The following MEGF8 variants were observed in gnomAD, a reference collection of about 807,000 sequenced individuals.
The protein encoded by MEGF8 is multiple EGF like domains 8.
Under a neutral mutation model 302.9 loss-of-function variants are expected in MEGF8, and 156 were observed. The observed-to-expected ratio is 0.52, with a 90% CI of 0.45 to 0.59. The LOEUF is 0.59. Among genes scored for constraint, MEGF8 ranks in the 20% least tolerant of loss-of-function variants. The pLI, the probability that MEGF8 is intolerant of heterozygous loss-of-function variation, is 0.00. For missense variants in MEGF8, 3,345 were observed against 3,964.5 expected (o/e 0.84, Z 4.20); for synonymous variants, 1,621 against 1,660.5 (o/e 0.98, Z 0.58).
At chr19:42,371,787 G>GA (rs2039694558) in intron 41 of MEGF8, among the ~76,000 whole-genome samples, 1 of 152,026 alleles carries the variant, frequency 6.6e-6, no homozygotes, top group Non-Finnish European at 1.5e-5. Flanking sequence ...TAGCTCAACC[G>GA]AAAAAAGAAA....
intron 9 of MEGF8, 150 bp from the exon 10 acceptor site, chr19:42,343,804 G>A: frequency 7.4e-7 from 1 of 1,358,824 alleles, no homozygotes; most frequent in Non-Finnish European, 9.8e-7. Context: ...AGAGGTCCCT[G>A]GGCCTGGGGG....
chr19:42,372,016 C>T (rs753111946), intron 41 of MEGF8, among the ~76,000 whole-genome samples: 1 of 148,308 alleles, frequency 6.7e-6, no homozygotes, highest in Non-Finnish European at 1.5e-5. Flanking sequence ...CCCAGGAGGT[C>T]GAGGCTGCAG....
chr19:42,368,598 T>C lies in MEGF8; in HGVS notation c.6417T>C (p.Cys2139=), dbSNP rs1319614457. 4.4e-6 allele frequency: 7 copies of C among 1,574,430 alleles called. No individual in the cohort carries two copies. Among genetic ancestry groups the C allele is most frequent in the Admixed American group, 3.7e-5 (2 of 53,680 alleles). Residue 2139 remains cysteine (C), a synonymous_variant, in exon 36 of 42, where the codon TGT becomes TGC. Coordinates refer to ENST00000251268, the MANE Select transcript of MEGF8 (RefSeq NM_001271938.2). The surrounding 1 kb of genome is among the most constrained non-coding windows in gnomAD (Gnocchi z 4.9). ...LCLRRPHCGW[C]AWGGQDGGGR... ...TGCGGCGCCCCCATTGCGGCTGGTG[T>C]GCCTGGGGGGGCCAGGATGGGGGTG...
In MEGF8 at chr19:42,354,054, G is replaced by A. The variant is rs769468356; in HGVS notation, c.4011+30G>A. ...GCACTGAGGAAACGAGGGTTCAGGC[G>A]CATGAGCCAGAACCGTGTCCCCTGA... On this transcript the variant is annotated intron_variant, in intron 22 of 41. Coordinates refer to ENST00000251268, the MANE Select transcript of MEGF8 (RefSeq NM_001271938.2). The surrounding 1 kb of genome is among the most constrained non-coding windows in gnomAD (Gnocchi z 4.3). 5.9e-5 allele frequency: 92 copies of A among 1,572,296 alleles called. No individual in the cohort carries two copies. The Middle Eastern group carries it at 6.8e-4, about 12-fold the overall frequency.
In MEGF8 at chr19:42,375,931, G is replaced by C; in HGVS notation, c.7694G>C (p.Arg2565Pro). 1.2e-6 allele frequency: 2 copies of C among 1,600,546 alleles called. No homozygotes were observed. Among genetic ancestry groups the C allele is most frequent in the Middle Eastern group, 1.7e-4 (1 of 6,010 alleles). Residue 2565 changes from arginine (R) to proline (P), a missense_variant, in exon 42 of 42, where the codon CGG becomes CCG. Coordinates refer to ENST00000251268, the MANE Select transcript of MEGF8 (RefSeq NM_001271938.2). The surrounding 1 kb of genome is among the most constrained non-coding windows in gnomAD (Gnocchi z 7.1). Reference sequence around the variant, plus strand: ...GGGCCGGGCGCCCCAGCAGAGCCACGGGTACGGGAGGTATGGCCGCGGGGC... The same window carrying C: ...GGGCCGGGCGCCCCAGCAGAGCCACCGGTACGGGAGGTATGGCCGCGGGGC... ...SSGPGAPAEP[R>P]VREVWPRGLI...
rs765351805 is a variant in MEGF8 at position 42,368,237 on chromosome 19, C to G, written c.6274-218C>G. Among the ~76,000 whole-genome samples the G allele has an allele frequency of 1.3e-5, 2 of 152,184 alleles. No individual in the cohort carries two copies. The highest frequency in any genetic ancestry group is 1.5e-5 in the Non-Finnish European group (1 of 68,034). On this transcript the variant is annotated intron_variant, in intron 35 of 41. Transcript: ENST00000251268. This position sits in a 1 kb window ranked among gnomAD's most constrained non-coding sequence, Gnocchi z 4.9. ...CCAGGCAACCTTCCAGTTTCAAGAT[C>G]CTCCCCAGCCTGACTTCCCGCCTTG...
At chr19:42,372,174 G>A (rs1041200590) in intron 41 of MEGF8, among the ~76,000 whole-genome samples, 1 of 152,088 alleles carries the variant, frequency 6.6e-6, no homozygotes, top group African/African-American at 2.4e-5. Context: ...CTATATCCGG[G>A]TGCTCACACA....
At chr19:42,343,425 T>G in intron 8 of MEGF8, 52 bp from the exon 9 acceptor site, 2 of 1,506,780 alleles carry the variant, frequency 1.3e-6, no homozygotes, top group Non-Finnish European at 1.8e-6. Flanking sequence ...GCCATGGAGG[T>G]GGTGGAGGGG....
intron 31 of MEGF8, among the ~76,000 whole-genome samples, chr19:42,360,387 C>G (rs560175509): frequency 6.7e-6 from 1 of 149,918 alleles, no homozygotes; most frequent in Non-Finnish European, 1.5e-5. Flanking sequence ...GTTCTGTTGC[C>G]CAGGCTGGAG....
In MEGF8 at chr19:42,376,913, G is replaced by A; in HGVS notation, c.*138G>A. ...CCCTTCCCCCAGGGTTGCCCAGATG[G>A]GGCCTCCTTTGTTCTGCATTCAGCA... On this transcript the variant is annotated 3_prime_UTR_variant, in exon 42 of 42. Transcript: ENST00000251268. This position sits in a 1 kb window ranked among gnomAD's most constrained non-coding sequence, Gnocchi z 8.2. 1 of 924,782 alleles carries A rather than the reference G, an allele frequency of 1.1e-6. No individual in the cohort carries two copies. Among genetic ancestry groups the A allele is most frequent in the African/African-American group, 1.7e-5 (1 of 58,216 alleles). The allele number at this position is 924,782 out of a possible 1,614,324, so 57.3% of individuals were successfully genotyped here.
Position 42,344,455 on chromosome 19 carries a change from C to A in MEGF8, c.1803C>A (p.Ser601Arg). 1 of 1,592,696 alleles carries A rather than the reference C, an allele frequency of 6.3e-7. No individual in the cohort carries two copies. The highest frequency in any genetic ancestry group is 8.5e-7 in the Non-Finnish European group (1 of 1,176,472). Residue 601 changes from serine (S) to arginine (R), a missense_variant, in exon 11 of 42, where the codon AGC becomes AGA. Physicochemically the swap from Ser to Arg is moderately radical, Grantham distance 110. Coordinates refer to ENST00000251268, the MANE Select transcript of MEGF8 (RefSeq NM_001271938.2). This position sits in a 1 kb window ranked among gnomAD's most constrained non-coding sequence, Gnocchi z 4.5. ...CCTCCTCGCAGTGTCCAGCCGCCAG[C>A]TGCCTGGGCCTGGGCCGCCTCCTGG... is the stretch of plus-strand genomic sequence containing the variant. ...GTPLGACPAA[S>R]CLGLGRLLGD...
At position 42,326,367 on chromosome 19, in the gene MEGF8, G is replaced by C. The variant is rs973854876; in HGVS notation, c.124G>C (p.Gly42Arg). 3.8e-6 allele frequency: 6 copies of C among 1,589,168 alleles called. No individual in the cohort carries two copies. Among genetic ancestry groups the C allele is most frequent in the Non-Finnish European group, 5.1e-6 (6 of 1,170,508 alleles). The stretch of plus-strand genomic sequence containing the variant: ...GCGGCAGGTGCTGCGGGAGGCGCCA[G>C]GCTTCGTGACGGATGGTGCGGGCAA... ...GQRQVLREAP[G>R]FVTDGAGNYS... Residue 42 changes from glycine (G) to arginine (R), a missense_variant, in exon 1 of 42, where the codon GGC (glycine) becomes CGC (arginine). By Grantham distance (125) the Gly-to-Arg change is moderately radical. Transcript: ENST00000251268.
At chr19:42,345,259 G>T (rs867289523) in intron 12 of MEGF8, among the ~76,000 whole-genome samples, 1 of 152,140 alleles carries the variant, frequency 6.6e-6, no homozygotes, top group Non-Finnish European at 1.5e-5. Context: ...GGCATGAGCC[G>T]CTGTGCCTGG....
chr19:42,326,769 G>T (rs2038990317), intron 1 of MEGF8, among the ~76,000 whole-genome samples: 1 of 146,228 alleles, frequency 6.8e-6, no homozygotes, highest in Non-Finnish European at 1.5e-5. Context: ...TGAGATGGGG[G>T]CCTCACTCTG....
At position 42,354,110 on chromosome 19, in the gene MEGF8, G is replaced by A; in HGVS notation, c.4011+86G>A. ...CCTGCATCCTCAGACCCTGACCCTA[G>A]TATTGCTGTTTTTTTTTTTTTGTTT... is the stretch of plus-strand genomic sequence containing the variant. On this transcript the variant is annotated intron_variant, in intron 22 of 41. Transcript: ENST00000251268. The surrounding 1 kb of genome is among the most constrained non-coding windows in gnomAD (Gnocchi z 4.3). 1 of 1,350,370 alleles carries A rather than the reference G, an allele frequency of 7.4e-7. No homozygotes were observed. The highest frequency in any genetic ancestry group is 9.9e-7 in the Non-Finnish European group (1 of 1,014,854). The allele number at this position is 1,350,370 out of a possible 1,614,324, so 83.6% of individuals were successfully genotyped here.
At chr19:42,367,240 T>G (rs996453163) in intron 35 of MEGF8, among the ~76,000 whole-genome samples, 7 of 152,082 alleles carry the variant, frequency 4.6e-5, no homozygotes, top group African/African-American at 1.7e-4. Flanking sequence ...AAGAGAAGCC[T>G]TTTTGCCTCA....
chr19:42,353,883 C>G lies in MEGF8; in HGVS notation c.3870C>G (p.Gly1290=). 1 of 1,597,234 alleles carries G rather than the reference C, an allele frequency of 6.3e-7. No homozygotes were observed. Among genetic ancestry groups the G allele is most frequent in the South Asian group, 1.1e-5 (1 of 88,750 alleles). The stretch of plus-strand genomic sequence containing the variant: ...TCGGGGGGCTGCTGCCTCCAGGTGG[C>G]GGGGCTGCAAGAGCCGGGCCTGGCC... The part of the protein sequence containing the change: ...RRVGGLLPPG[G]GAARAGPGLS... Residue 1290 remains glycine, a synonymous_variant, in exon 22 of 42, where the codon GGC becomes GGG. Coordinates refer to ENST00000251268, the MANE Select transcript of MEGF8 (RefSeq NM_001271938.2). The surrounding 1 kb of genome is among the most constrained non-coding windows in gnomAD (Gnocchi z 6.1).
At position 42,369,747 on chromosome 19, in the gene MEGF8, C is replaced by T; in HGVS notation, c.6834+24C>T. ...AGGTGGGCCGCCCGGAGCCTCAGAC[C>T]CCCGACCCTGGGACCCAGGCCCTCA... On this transcript the variant is annotated intron_variant, in intron 38 of 41. Coordinates refer to ENST00000251268, the MANE Select transcript of MEGF8 (RefSeq NM_001271938.2). This position sits in a 1 kb window ranked among gnomAD's most constrained non-coding sequence, Gnocchi z 5.7. 6.3e-7 allele frequency: 1 copy of T among 1,576,196 alleles called. No individual in the cohort carries two copies. The highest frequency in any genetic ancestry group is 8.6e-7 in the Non-Finnish European group (1 of 1,163,134).
Position 42,359,090 on chromosome 19 carries a change from C to T in MEGF8, c.5344-8C>T, listed in dbSNP as rs1261279821. On this transcript the variant is annotated splice_polypyrimidine_tract_variant and splice_region_variant and intron_variant, in intron 30 of 41. Coordinates refer to ENST00000251268, the MANE Select transcript of MEGF8 (RefSeq NM_001271938.2). ...GTCCTGTCCCCCCACCCCCCGTCTC[C>T]CCAACAGCCCCGCCCCCGGCTTTTC... 1 of 1,515,908 alleles carries T rather than the reference C, an allele frequency of 6.6e-7. No homozygotes were observed. Among genetic ancestry groups the T allele is most frequent in the Non-Finnish European group, 8.9e-7 (1 of 1,129,752 alleles). 93.9% of individuals were successfully genotyped at this position (1,515,908 alleles called of 1,614,324 possible).
Sources: gnomAD v4.1 joint callset for allele counts (sites outside exome capture counted in the v4.1 genomes callset) on GRCh38, gnomAD v4.1.1 for gene constraint, Gnocchi (gnomAD v3.1) non-coding constraint, MANE v1.5 for transcripts, NCBI Gene and HGNC (gene_info 2026-07-23, HGNC 2026-07-21) for gene names.